The following CADPS2 variants were observed in gnomAD, a reference collection of about 807,000 sequenced individuals.
The protein encoded by CADPS2 is calcium-dependent secretion activator 2.
In CADPS2, 93 loss-of-function variants were observed where a neutral mutation model predicts 172.5. That is an observed-to-expected ratio of 0.54 (90% CI 0.46 to 0.64). The LOEUF (loss-of-function observed/expected upper bound fraction) is 0.64, where lower values mean the gene tolerates loss of function less well. Among genes scored for constraint, CADPS2 ranks in the 30% least tolerant of loss-of-function variants. The probability of loss-of-function intolerance (pLI) is 0.00; values close to 1 mark genes in which losing one functional copy is unlikely to be tolerated. For synonymous variants in CADPS2, 546 were observed against 555.2 expected (o/e 0.98, Z 0.23); for missense variants, 1,420 against 1,565.9 (o/e 0.91, Z 1.57).
chr7:122,635,929 A>C (rs1279263458), intron 3 of CADPS2, among the ~76,000 whole-genome samples: 2 of 151,876 alleles, frequency 1.3e-5, no homozygotes, highest in Non-Finnish European at 2.9e-5. Flanking sequence ...CAGCTCCCAC[A>C]TTTTTTTTTG....
chr7:122,469,490 A>C (rs1382357900), intron 14 of CADPS2, among the ~76,000 whole-genome samples: 2 of 152,066 alleles, frequency 1.3e-5, no homozygotes, highest in Non-Finnish European at 2.9e-5. Context: ...ACAGTTAGCC[A>C]CCCTGACTGA....
chr7:122,477,053 AGAGAGAGAG>A (rs2056762938), intron 12 of CADPS2, among the ~76,000 whole-genome samples: 1 of 24,242 alleles, frequency 4.1e-5, no homozygotes, highest in Non-Finnish European at 7.6e-5. Flanking sequence ...GAGAGAGAGA[AGAGAGAGAG>A]AGAGAGAGAG....
In CADPS2 at chr7:122,755,796, T is replaced by C. The variant is rs528463251; in HGVS notation, c.340-18728A>G. ...GGCCTATGTTTGTGTTCTATACTGA[T>C]AGGAATATGTAAAGGCTTTGAGATC... On this transcript the variant is annotated intron_variant, in intron 1 of 29. Coordinates refer to ENST00000449022, the MANE Select transcript of CADPS2 (RefSeq NM_017954.11). Among the ~76,000 whole-genome samples, 6 of 151,976 alleles carry C rather than the reference T, an allele frequency of 3.9e-5. No homozygotes were observed. In the South Asian group the frequency reaches 6.2e-4, roughly 16 times the overall value.
chr7:122,361,265 G>A (rs2040104372), intron 25 of CADPS2, among the ~76,000 whole-genome samples: 1 of 128,954 alleles, frequency 7.8e-6, no homozygotes, highest in Non-Finnish European at 1.6e-5. Flanking sequence ...ATGGAGGCTT[G>A]CTCTGTCACC....
intron 7 of CADPS2, among the ~76,000 whole-genome samples, chr7:122,568,500 A>G (rs2066764835): frequency 6.6e-6 from 1 of 152,126 alleles, no homozygotes; most frequent in African/African-American, 2.4e-5. Context: ...ATAATATAAT[A>G]TTTACACCAA....
chr7:122,503,431 AAAC>A (rs1479317864), intron 9 of CADPS2, among the ~76,000 whole-genome samples: 1 of 152,200 alleles, frequency 6.6e-6, no homozygotes, highest in African/African-American at 2.4e-5. Flanking sequence ...TTTATCTTAG[AAAC>A]TAGTATCTAC....
chr7:122,539,183 G>C (rs1480924433), intron 8 of CADPS2, among the ~76,000 whole-genome samples: 1 of 151,952 alleles, frequency 6.6e-6, no homozygotes, highest in African/African-American at 2.4e-5. Context: ...TTGAGAAGTG[G>C]GACCTTTAAG....
intron 14 of CADPS2, 46 bp downstream of exon 14, chr7:122,471,329 A>C: frequency 6.7e-7 from 1 of 1,485,928 alleles, no homozygotes; most frequent in South Asian, 1.3e-5. Flanking sequence ...TCTCTTTTCC[A>C]TAGTCAACCC....
At chr7:122,643,450 T>C (rs980248368) in intron 3 of CADPS2, among the ~76,000 whole-genome samples, 5 of 152,184 alleles carry the variant, frequency 3.3e-5, no homozygotes, top group African/African-American at 1.2e-4. Flanking sequence ...CTTCAGAGTG[T>C]CTGCAGTAAT....
intron 1 of CADPS2, among the ~76,000 whole-genome samples, chr7:122,769,864 G>A (rs772434741): frequency 2.0e-5 from 3 of 152,076 alleles, no homozygotes; most frequent in Non-Finnish European, 4.4e-5. Flanking sequence ...TGGCTGCTGT[G>A]ATAAAAACCA....
chr7:122,602,613 C>T (rs1357910243), intron 6 of CADPS2, among the ~76,000 whole-genome samples: 1 of 151,950 alleles, frequency 6.6e-6, no homozygotes, highest in East Asian at 1.9e-4. Context: ...ACCATGTGTA[C>T]ATACAAAGGC....
chr7:122,733,147 A>C (rs1359636233), intron 2 of CADPS2, among the ~76,000 whole-genome samples: 1 of 151,770 alleles, frequency 6.6e-6, no homozygotes, highest in African/African-American at 2.4e-5. Context: ...ATGAAAGGCC[A>C]ACCATGCTTC....
rs558421546 is a variant in CADPS2, at chr7:122,734,356, TAAAAAAAAAAAAAAAAAAAA to T, written c.453+2579_453+2598del. ...AATAACGATAGCATGCCAGAAATAG[TAAAAAAAAAAAAAAAAAAAA>T]AAAAAAAAAAGAAAAAAAAAAAAGA... On this transcript the variant is annotated intron_variant, in intron 2 of 29. Transcript: ENST00000449022. Among the ~76,000 whole-genome samples the T allele has an allele frequency of 3.2e-4, 15 of 46,280 alleles. 1 individual carries two copies. In the South Asian group the frequency reaches 0.014, roughly 42 times the overall value. 30.4% of individuals were successfully genotyped at this position (46,280 alleles called of 152,430 possible).
rs552298574 is a variant in CADPS2 at position 122,630,080 on chromosome 7, TA to T, written c.787-753del. Reference sequence around the variant, plus strand: ...AATATTAGTCCCTTTATAAAAATGTTAAAGTGAGGATGTTAAGTGTTAATTT... The same window carrying T: ...AATATTAGTCCCTTTATAAAAATGTTAAGTGAGGATGTTAAGTGTTAATTT... On this transcript the variant is annotated intron_variant, in intron 3 of 29. Transcript: ENST00000449022. Among the ~76,000 whole-genome samples, 18 of 152,320 alleles carry T rather than the reference TA, an allele frequency of 1.2e-4. No homozygotes were observed. The South Asian group carries it at 3.5e-3, about 30-fold the overall frequency.
At chr7:122,432,866 T>C (rs2050138304) in intron 17 of CADPS2, among the ~76,000 whole-genome samples, 1 of 151,882 alleles carries the variant, frequency 6.6e-6, no homozygotes, top group African/African-American at 2.4e-5. Context: ...GTAATTGATA[T>C]TTTCATTGTT....
chr7:122,759,281 T>C (rs1372942756), intron 1 of CADPS2, among the ~76,000 whole-genome samples: 2 of 152,196 alleles, frequency 1.3e-5, no homozygotes, highest in East Asian at 3.9e-4. Flanking sequence ...TGAGTAACAG[T>C]TATTGTATCA....
At chr7:122,795,569 T>C (rs1259064234) in intron 1 of CADPS2, among the ~76,000 whole-genome samples, 1 of 152,064 alleles carries the variant, frequency 6.6e-6, no homozygotes, top group Non-Finnish European at 1.5e-5. Context: ...CATACACAAG[T>C]CAATAAATAT....
intron 3 of CADPS2, among the ~76,000 whole-genome samples, chr7:122,658,850 T>C (rs939621858): frequency 6.6e-6 from 1 of 152,130 alleles, no homozygotes; most frequent in Non-Finnish European, 1.5e-5. Context: ...AACCTGCACG[T>C]TGTGCACATG....
intron 1 of CADPS2, among the ~76,000 whole-genome samples, chr7:122,785,880 A>G (rs1356076850): frequency 6.6e-6 from 1 of 152,196 alleles, no homozygotes; most frequent in African/African-American, 2.4e-5. Context: ...GAAAGCCCAC[A>G]CAGCACAAGG....
Sources: allele counts gnomAD v4.1 joint callset (sites outside exome capture counted in the v4.1 genomes callset), GRCh38; gene constraint gnomAD v4.1.1; transcripts MANE v1.5; gene names NCBI Gene and HGNC (gene_info 2026-07-23, HGNC 2026-07-21).